ATG7: variants seen among roughly 807,000 people sequenced by gnomAD.
The protein encoded by ATG7 is autophagy related 7.
A neutral mutation model predicts 82.4 loss-of-function variants in ATG7; 70 were observed. That is an observed-to-expected ratio of 0.85 (90% confidence interval 0.70 to 1.04). The LOEUF (loss-of-function observed/expected upper bound fraction) is 1.04. Ranked by LOEUF, ATG7 falls within the 50% of genes least tolerant of loss-of-function variation. The pLI is 0.00. For missense variants in ATG7, 792 were observed against 864.3 expected, an observed-to-expected ratio of 0.92 and a Z score of 1.05; for synonymous variants, 287 against 313.0, an observed-to-expected ratio of 0.92 and a Z score of 0.88.
chr3:11,545,886 C>T (rs1045798938), intron 20 of ATG7, among the ~76,000 whole-genome samples: 16 of 152,066 alleles, frequency 1.1e-4, no homozygotes, highest in Admixed American at 5.9e-4. Context: ...CATTGTTTCC[C>T]GGAGGCATTT....
intron 5 of ATG7, among the ~76,000 whole-genome samples, chr3:11,305,873 A>G (rs115811806): frequency 1.4e-3 from 212 of 152,336 alleles, no homozygotes; most frequent in Non-Finnish European, 1.8e-3. Context: ...TGGACTTTAA[A>G]TGAAAAGACA....
At chr3:11,421,551 TCAC>T (rs977611400) in intron 19 of ATG7, among the ~76,000 whole-genome samples, 2 of 152,194 alleles carry the variant, frequency 1.3e-5, no homozygotes, top group African/African-American at 4.8e-5. Flanking sequence ...CTTGATTTTT[TCAC>T]CACACCTACA....
In ATG7 at chr3:11,306,984, C is replaced by T. The variant is rs760168875; in HGVS notation, c.257C>T (p.Thr86Ile). 7.4e-6 allele frequency: 12 copies of T among 1,613,932 alleles called. No homozygotes were observed. Among genetic ancestry groups the T allele is most frequent in the Admixed American group, 3.3e-5 (2 of 59,996 alleles). Residue 86 changes from threonine (T) to isoleucine (I), a missense_variant, in exon 6 of 21, where the codon ACA (threonine) becomes ATA (isoleucine). Thr to Ile is a moderately conservative substitution (Grantham distance 89). Transcript: ENST00000693202. ...GCCCGTTGCTGCCCAGCTATTGGAA[C>T]ACTGTATAACACCAACACACTCGAG... Reference protein sequence around the residue: ...TPARCCPAIGTLYNTNTLESF... With the variant: ...TPARCCPAIGILYNTNTLESF...
In ATG7 at chr3:11,395,749, G is replaced by T. The variant is rs192632130; in HGVS notation, c.1956+15697G>T. Among the ~76,000 whole-genome samples, 244 of 151,912 alleles carry T rather than the reference G, an allele frequency of 1.6e-3. 1 individual carries two copies. Among genetic ancestry groups the T allele is most frequent in the African/African-American group, 5.3e-3 (220 of 41,452 alleles). ...AGGTCAGGAGATCGAGACCATCCTG[G>T]CTAACACGGTGAAACCCCGTCTCTA... is the stretch of plus-strand genomic sequence containing the variant. On this transcript the variant is annotated intron_variant, in intron 19 of 20. Coordinates refer to ENST00000693202, the MANE Select transcript of ATG7 (RefSeq NM_001349232.2).
At chr3:11,385,624 C>T (rs2078264908) in intron 19 of ATG7, among the ~76,000 whole-genome samples, 1 of 152,190 alleles carries the variant, frequency 6.6e-6, no homozygotes, top group African/African-American at 2.4e-5. Flanking sequence ...GGTCTGTCCT[C>T]TTGTTACGGC....
intron 20 of ATG7, among the ~76,000 whole-genome samples, chr3:11,478,641 G>C (rs1415873475): frequency 1.3e-5 from 2 of 152,146 alleles, no homozygotes; most frequent in Non-Finnish European, 2.9e-5. Flanking sequence ...AGGCAAAACA[G>C]TCAGCAAAAC....
intron 19 of ATG7, among the ~76,000 whole-genome samples, chr3:11,424,065 A>G (rs2082161195): frequency 6.6e-6 from 1 of 152,072 alleles, no homozygotes; most frequent in South Asian, 2.1e-4. Flanking sequence ...ACTTCCTGCC[A>G]GCTATCTAGA....
At chr3:11,344,648 T>G (rs776935748) in intron 13 of ATG7, among the ~76,000 whole-genome samples, 1 of 151,838 alleles carries the variant, frequency 6.6e-6, no homozygotes, top group Non-Finnish European at 1.5e-5. Context: ...GGGCGGATCG[T>G]TTGAGCTCAG....
intron 20 of ATG7, among the ~76,000 whole-genome samples, chr3:11,552,929 A>G (rs750416430): frequency 6.6e-6 from 1 of 152,082 alleles, no homozygotes; most frequent in Non-Finnish European, 1.5e-5. Flanking sequence ...GAAAGTTTCT[A>G]CTTTCCTATA....
At chr3:11,431,384 G>A (rs962903623) in intron 20 of ATG7, among the ~76,000 whole-genome samples, 8 of 149,794 alleles carry the variant, frequency 5.3e-5, no homozygotes, top group Non-Finnish European at 8.8e-5. Context: ...CTGCAAGGGC[G>A]GGGGGAAAAA....
At chr3:11,408,036 A>G (rs1462178135) in intron 19 of ATG7, among the ~76,000 whole-genome samples, 5 of 152,154 alleles carry the variant, frequency 3.3e-5, no homozygotes, top group Non-Finnish European at 7.4e-5. Context: ...TTTCTATTGC[A>G]TTGTCAGGCT....
intron 20 of ATG7, among the ~76,000 whole-genome samples, chr3:11,527,071 G>GTATATATATA (rs59492212): frequency 1.3e-4 from 17 of 127,424 alleles, no homozygotes; most frequent in East Asian, 1.1e-3. Flanking sequence ...GTGTGTGTGT[G>GTATATATATA]TATATATATA....
At chr3:11,285,161 A>G (rs1247021010) in intron 3 of ATG7, among the ~76,000 whole-genome samples, 1 of 129,774 alleles carries the variant, frequency 7.7e-6, no homozygotes, top group Non-Finnish European at 1.6e-5. Context: ...TTTTTTTTTA[A>G]AAGCCCGGCC....
chr3:11,468,013 A>G (rs1391395922), intron 20 of ATG7, among the ~76,000 whole-genome samples: 1 of 152,192 alleles, frequency 6.6e-6, no homozygotes, highest in Non-Finnish European at 1.5e-5. Flanking sequence ...GTGTTCTTAC[A>G]GTTGAGTTTC....
intron 20 of ATG7, among the ~76,000 whole-genome samples, chr3:11,475,583 C>T (rs114427333): frequency 0.011 from 1,710 of 152,210 alleles, 31 homozygotes; most frequent in African/African-American, 0.039. Flanking sequence ...ATAAAACAGA[C>T]GCGGATGCTA....
At chr3:11,355,810 T>C (rs769135813) in intron 14 of ATG7, among the ~76,000 whole-genome samples, 8 of 152,318 alleles carry the variant, frequency 5.3e-5, no homozygotes, top group South Asian at 2.1e-4. Context: ...ATTTAACATA[T>C]GCCTACCTTG....
chr3:11,484,413 CAAAAA>C (rs1208876383), intron 20 of ATG7, among the ~76,000 whole-genome samples: 1 of 150,652 alleles, frequency 6.6e-6, no homozygotes, highest in Non-Finnish European at 1.5e-5. Flanking sequence ...AACAAACAAA[CAAAAA>C]AACCACAAAA....
At chr3:11,295,488 G>T (rs1945723043) in intron 3 of ATG7, among the ~76,000 whole-genome samples, 1 of 152,120 alleles carries the variant, frequency 6.6e-6, no homozygotes, top group African/African-American at 2.4e-5. Context: ...ACTGGAACTT[G>T]CTACGGACAC....
intron 20 of ATG7, among the ~76,000 whole-genome samples, chr3:11,516,010 G>A (rs575488260): frequency 2.6e-5 from 4 of 151,080 alleles, no homozygotes; most frequent in Admixed American, 6.6e-5. Context: ...ATACGTTTTG[G>A]GAACAGCTCA....
Sources: allele counts gnomAD v4.1 joint callset (sites outside exome capture counted in the v4.1 genomes callset), GRCh38; gene constraint gnomAD v4.1.1; transcripts MANE v1.5; gene names NCBI Gene and HGNC (gene_info 2026-07-23, HGNC 2026-07-21).